The following TACR3 variants were observed in gnomAD, a reference collection of about 807,000 sequenced individuals.
The protein encoded by TACR3 is neuromedin-K receptor.
A neutral mutation model predicts 35.0 loss-of-function variants in TACR3; 34 were observed. The observed-to-expected ratio is 0.97, with a 90% CI of 0.74 to 1.30. TACR3 has a LOEUF of 1.30. TACR3 is among the 50% of genes most tolerant of loss of function. The probability of loss-of-function intolerance (pLI) is 0.00; values close to 1 mark genes in which losing one functional copy is unlikely to be tolerated. For missense variants in TACR3, 558 were observed against 591.7 expected, an observed-to-expected ratio of 0.94 and a Z score of 0.59; for synonymous variants, 233 against 221.1, an observed-to-expected ratio of 1.05 and a Z score of -0.48.
At chr4:103,663,587 A>G (rs1463735828) in intron 1 of TACR3, among the ~76,000 whole-genome samples, 1 of 152,222 alleles carries the variant, frequency 6.6e-6, no homozygotes, top group African/African-American at 2.4e-5. Context: ...ATTGCTGCTT[A>G]GATTAGGGCA....
intron 3 of TACR3, among the ~76,000 whole-genome samples, chr4:103,650,862 C>T (rs371211001): frequency 6.3e-5 from 1 of 15,914 alleles, no homozygotes; most frequent in Non-Finnish European, 8.5e-5. Context: ...ATATATATCT[C>T]ATATATAATA....
chr4:103,651,803 G>A (rs1232603703), intron 3 of TACR3, among the ~76,000 whole-genome samples: 1 of 151,932 alleles, frequency 6.6e-6, no homozygotes, highest in East Asian at 1.9e-4. Flanking sequence ...TAGTCAGTCG[G>A]TGATGGGTCT....
intron 3 of TACR3, among the ~76,000 whole-genome samples, chr4:103,628,738 A>G (rs1724973073): frequency 6.6e-6 from 1 of 152,216 alleles, no homozygotes; most frequent in Non-Finnish European, 1.5e-5. Context: ...AGCTGGTACC[A>G]TTCCTTGTGA....
intron 3 of TACR3, among the ~76,000 whole-genome samples, chr4:103,632,682 A>C (rs755003135): frequency 1.3e-5 from 2 of 152,046 alleles, no homozygotes; most frequent in Non-Finnish European, 2.9e-5. Flanking sequence ...AAGAAAAAGA[A>C]ATATTGTCAT....
intron 3 of TACR3, among the ~76,000 whole-genome samples, chr4:103,603,055 T>G (rs1724248979): frequency 6.6e-6 from 1 of 152,238 alleles, no homozygotes; most frequent in Non-Finnish European, 1.5e-5. Context: ...GAGCTTCCTG[T>G]CTGCTTTGTT....
At chr4:103,686,448 G>A (rs527602183) in intron 1 of TACR3, among the ~76,000 whole-genome samples, 13 of 152,088 alleles carry the variant, frequency 8.5e-5, no homozygotes, top group African/African-American at 2.9e-4. Flanking sequence ...CTGAGCAATG[G>A]TACCATAGAC....
At chr4:103,595,125 C>A (rs902438391) in intron 3 of TACR3, among the ~76,000 whole-genome samples, 1 of 152,122 alleles carries the variant, frequency 6.6e-6, no homozygotes, top group Non-Finnish European at 1.5e-5. Context: ...GAAGCTTGAG[C>A]AATGATAGAT....
intron 3 of TACR3, among the ~76,000 whole-genome samples, chr4:103,638,241 G>C (rs1725244740): frequency 6.6e-6 from 1 of 151,052 alleles, no homozygotes; most frequent in East Asian, 1.9e-4. Flanking sequence ...CCAAAACAGA[G>C]ATATAGACCA....
At chr4:103,711,826 C>A (rs1328121838) in intron 1 of TACR3, among the ~76,000 whole-genome samples, 1 of 152,160 alleles carries the variant, frequency 6.6e-6, no homozygotes, top group Non-Finnish European at 1.5e-5. Flanking sequence ...GTGCAAAAAT[C>A]ACAAGCATAC....
chr4:103,621,182 T>C (rs1448538063), intron 3 of TACR3, among the ~76,000 whole-genome samples: 1 of 152,134 alleles, frequency 6.6e-6, no homozygotes, highest in Non-Finnish European at 1.5e-5. Flanking sequence ...TAGCTGTCTG[T>C]GATGAGAGCA....
intron 1 of TACR3, among the ~76,000 whole-genome samples, chr4:103,705,508 G>C (rs1450545273): frequency 1.3e-5 from 2 of 149,222 alleles, no homozygotes; most frequent in African/African-American, 4.9e-5. Context: ...AAGTCTCTTA[G>C]ACCAAATTAT....
At chr4:103,626,261 C>T (rs1272965506) in intron 3 of TACR3, among the ~76,000 whole-genome samples, 2 of 152,168 alleles carry the variant, frequency 1.3e-5, no homozygotes, top group African/African-American at 4.8e-5. Context: ...TACATAGGTG[C>T]TTCTGTGGCT....
At chr4:103,697,511 G>T (rs1183522841) in intron 1 of TACR3, among the ~76,000 whole-genome samples, 1 of 151,618 alleles carries the variant, frequency 6.6e-6, no homozygotes, top group East Asian at 1.9e-4. Flanking sequence ...TGCAAGCTTC[G>T]CCTCCCGGGT....
At chr4:103,619,972 C>T (rs1053728039) in intron 3 of TACR3, among the ~76,000 whole-genome samples, 1 of 151,800 alleles carries the variant, frequency 6.6e-6, no homozygotes, top group Admixed American at 6.6e-5. Context: ...AGACAACCTA[C>T]AGAATGGAGG....
chr4:103,610,528 A>G (rs755289290), intron 3 of TACR3, among the ~76,000 whole-genome samples: 5 of 152,048 alleles, frequency 3.3e-5, no homozygotes, highest in Non-Finnish European at 7.4e-5. Flanking sequence ...CTGGATATTA[A>G]CTACTTGTCA....
At chr4:103,610,224 C>A (rs914400834) in intron 3 of TACR3, among the ~76,000 whole-genome samples, 1 of 151,976 alleles carries the variant, frequency 6.6e-6, no homozygotes, top group Non-Finnish European at 1.5e-5. Context: ...TACTAGTTTA[C>A]AGTTTGTCCC....
chr4:103,617,731 G>A (rs1462577987), intron 3 of TACR3, among the ~76,000 whole-genome samples: 1 of 152,134 alleles, frequency 6.6e-6, no homozygotes, highest in East Asian at 1.9e-4. Context: ...TTTGAGTCAT[G>A]GTTTAAGAAA....
intron 3 of TACR3, among the ~76,000 whole-genome samples, chr4:103,624,065 A>G (rs1051203910): frequency 2.0e-5 from 3 of 152,168 alleles, no homozygotes; most frequent in African/African-American, 7.2e-5. Context: ...TTCATACTTG[A>G]TTGTCTGCCT....
rs564587634 is a variant in TACR3, at chr4:103,689,797, A to T, written c.548+29331T>A. Among the ~76,000 whole-genome samples the T allele has an allele frequency of 2.0e-5, 3 of 152,126 alleles. No individual in the cohort carries two copies. In the South Asian group the frequency reaches 6.2e-4, roughly 32 times the overall value. On this transcript the variant is annotated intron_variant, in intron 1 of 4. Coordinates refer to ENST00000304883, the MANE Select transcript of TACR3 (RefSeq NM_001059.3). ...TATTTTTAGAAAATAATGACTGAAA[A>T]CTCCCTAAATTTGATGAAGCACATT...
Sources: gnomAD v4.1 joint callset for allele counts (sites outside exome capture counted in the v4.1 genomes callset) on GRCh38, gnomAD v4.1.1 for gene constraint, MANE v1.5 for transcripts, NCBI Gene and HGNC (gene_info 2026-07-23, HGNC 2026-07-21) for gene names.